The following SYN3 variants were observed in gnomAD, a reference collection of about 807,000 sequenced individuals.
SYN3 encodes the protein synapsin-3.
SYN3 carries 35 observed loss-of-function variants against 65.8 expected under a neutral mutation model. The observed-to-expected ratio is 0.53, with a 90% CI of 0.41 to 0.70. The LOEUF (loss-of-function observed/expected upper bound fraction) is 0.70, where lower values mean the gene tolerates loss of function less well. Ranked by LOEUF, SYN3 falls within the 30% of genes least tolerant of loss-of-function variation. SYN3 has a pLI of 0.00. For synonymous variants in SYN3, 270 were observed against 292.9 expected, an observed-to-expected ratio of 0.92 and a Z score of 0.80; for missense variants, 680 against 749.0, an observed-to-expected ratio of 0.91 and a Z score of 1.08.
intron 6 of SYN3, among the ~76,000 whole-genome samples, chr22:32,662,290 G>A (rs1278323940): frequency 2.6e-5 from 4 of 152,052 alleles, no homozygotes; most frequent in African/African-American, 7.3e-5. Flanking sequence ...CCATGTTCAC[G>A]GTTTCAGTGG....
chr22:32,572,659 C>T (rs778393947), intron 7 of SYN3, among the ~76,000 whole-genome samples: 6 of 151,452 alleles, frequency 4.0e-5, no homozygotes, highest in South Asian at 2.1e-4. Context: ...GATAGCTCAC[C>T]GCAGCCTTGA....
At chr22:32,952,230 CTGTG>C (rs933833475) in intron 3 of SYN3, among the ~76,000 whole-genome samples, 1 of 150,966 alleles carries the variant, frequency 6.6e-6, no homozygotes, top group African/African-American at 2.4e-5. Context: ...CATAGCATGC[CTGTG>C]TGTGTGTGAA....
At chr22:32,532,418 GGC>G (rs1329531125) in intron 10 of SYN3, among the ~76,000 whole-genome samples, 1 of 152,300 alleles carries the variant, frequency 6.6e-6, no homozygotes, top group Non-Finnish European at 1.5e-5. Flanking sequence ...CCCCTTCCAT[GGC>G]TCCTCCAAGT....
At chr22:32,683,192 G>A (rs2060546344) in intron 6 of SYN3, among the ~76,000 whole-genome samples, 1 of 152,272 alleles carries the variant, frequency 6.6e-6, no homozygotes, top group South Asian at 2.1e-4. Context: ...AATAATTCAT[G>A]ACCATATCAA....
intron 3 of SYN3, among the ~76,000 whole-genome samples, chr22:32,975,694 C>T (rs1009303159): frequency 3.9e-5 from 6 of 152,194 alleles, no homozygotes; most frequent in African/African-American, 9.7e-5. Flanking sequence ...TTTAATCTGG[C>T]GTATTCTCTC....
At chr22:32,799,904 A>G (rs2046521761) in intron 6 of SYN3, among the ~76,000 whole-genome samples, 1 of 152,200 alleles carries the variant, frequency 6.6e-6, no homozygotes, top group South Asian at 2.1e-4. Flanking sequence ...ATCATACCCC[A>G]TAAAACAATG....
intron 4 of SYN3, among the ~76,000 whole-genome samples, chr22:32,875,848 T>A (rs147204547): frequency 5.9e-5 from 9 of 152,302 alleles, no homozygotes; most frequent in African/African-American, 2.2e-4. Flanking sequence ...CCCAGAATGA[T>A]GGGAGAATGA....
chr22:32,813,121 T>A (rs1229897000), intron 6 of SYN3, among the ~76,000 whole-genome samples: 1 of 152,238 alleles, frequency 6.6e-6, no homozygotes, highest in Non-Finnish European at 1.5e-5. Context: ...AGAAGCTGGA[T>A]ATTTGAGTAT....
intron 12 of SYN3, among the ~76,000 whole-genome samples, chr22:32,521,674 C>T (rs1298145605): frequency 6.6e-6 from 1 of 152,032 alleles, no homozygotes; most frequent in Non-Finnish European, 1.5e-5. Context: ...TCTCGAACTC[C>T]TGACCTTGTG....
At chr22:32,966,230 G>A (rs952905447) in intron 3 of SYN3, among the ~76,000 whole-genome samples, 2 of 152,160 alleles carry the variant, frequency 1.3e-5, no homozygotes, top group African/African-American at 4.8e-5. Context: ...CCTGGATGGA[G>A]GGGGAGGGCA....
In SYN3 at chr22:32,575,416, G is replaced by A. The variant is rs1384195826; in HGVS notation, c.774+21258C>T. 3.3e-5 allele frequency among the ~76,000 whole-genome samples: 5 copies of A among 152,136 alleles called. No individual in the cohort carries two copies. The East Asian group carries it at 9.6e-4, about 29-fold the overall frequency. On this transcript the variant is annotated intron_variant, in intron 7 of 13. Transcript: ENST00000358763. ...GACGTGTTCTGGCGAGGGAGTGGGT[G>A]GGGGTTCCCCAAGCATGGGGGTGGG...
intron 6 of SYN3, among the ~76,000 whole-genome samples, chr22:32,676,535 T>C (rs1314756615): frequency 9.1e-5 from 4 of 43,784 alleles, no homozygotes; most frequent in East Asian, 4.8e-4. Flanking sequence ...TTTCTTTTTT[T>C]TTTTTTTTTT....
intron 1 of SYN3, among the ~76,000 whole-genome samples, chr22:33,042,000 C>A (rs2053973110): frequency 6.6e-6 from 1 of 152,190 alleles, no homozygotes; most frequent in African/African-American, 2.4e-5. Context: ...TATGTTAAAA[C>A]CGCAATCCCT....
At chr22:32,964,525 T>C (rs747742774) in intron 3 of SYN3, among the ~76,000 whole-genome samples, 3 of 152,056 alleles carry the variant, frequency 2.0e-5, no homozygotes, top group South Asian at 2.1e-4. Context: ...AAGCAGGTCA[T>C]TTTTCAAGTC....
chr22:32,564,735 G>T (rs1315192143), intron 7 of SYN3, among the ~76,000 whole-genome samples: 2 of 150,448 alleles, frequency 1.3e-5, no homozygotes, highest in African/African-American at 4.9e-5. Flanking sequence ...CACCCAAACA[G>T]TGCTCCTGGG....
intron 6 of SYN3, among the ~76,000 whole-genome samples, chr22:32,856,755 TCTTA>T (rs1444420008): frequency 1.3e-5 from 2 of 152,324 alleles, no homozygotes; most frequent in East Asian, 3.9e-4. Context: ...GAACACTGGG[TCTTA>T]CTTGTTCTGC....
In SYN3 at chr22:32,857,293, T is replaced by C. The variant is rs9862; in HGVS notation, c.711+7622A>G. Reference sequence around the variant, plus strand: ...AGATGCCCCATGTGCAGTACATCCATACGGAAGCTTCCGAGAGTCTCTGTG... The same window carrying C: ...AGATGCCCCATGTGCAGTACATCCACACGGAAGCTTCCGAGAGTCTCTGTG... On this transcript the variant is annotated intron_variant, in intron 6 of 13. Coordinates refer to ENST00000358763, the MANE Select transcript of SYN3 (RefSeq NM_003490.4). 0.52 allele frequency: 846,048 copies of C among 1,612,676 alleles called. 228,674 individuals carry two copies. Among genetic ancestry groups the C allele is most frequent in the African/African-American group, 0.84 (62,930 of 74,960 alleles).
rs116529407 is a variant in SYN3, at chr22:32,595,684, G to A, written c.774+990C>T. ...AACTGTAATCCCCCATGTTGGAAGA[G>A]GGGCCTGGTGGGAGGTGATTGGATC... On this transcript the variant is annotated intron_variant, in intron 7 of 13. Transcript: ENST00000358763. Among the ~76,000 whole-genome samples the A allele has an allele frequency of 9.1e-3, 1,386 of 152,290 alleles. 22 individuals are homozygous for A. Among genetic ancestry groups the A allele is most frequent in the African/African-American group, 0.032 (1,324 of 41,570 alleles).
At chr22:32,985,283 C>T (rs1208844769) in intron 2 of SYN3, among the ~76,000 whole-genome samples, 1 of 152,178 alleles carries the variant, frequency 6.6e-6, no homozygotes, top group Admixed American at 6.5e-5. Flanking sequence ...AAAGAGCTAT[C>T]GAGTGCTTAC....
Sources: gnomAD v4.1 joint callset for allele counts (sites outside exome capture counted in the v4.1 genomes callset) on GRCh38, gnomAD v4.1.1 for gene constraint, MANE v1.5 for transcripts, NCBI Gene and HGNC (gene_info 2026-07-23, HGNC 2026-07-21) for gene names.